Variants in C12orf75 observed in about 807,000 individuals in gnomAD.
C12orf75 encodes chromosome 12 open reading frame 75, also known as overexpressed in colon carcinoma 1 protein.
In C12orf75, 4 loss-of-function variants were observed where a neutral mutation model predicts 11.4. That is an observed-to-expected ratio of 0.35 (90% CI 0.17 to 0.80). The LOEUF is 0.80. Ranked by LOEUF, C12orf75 falls within the 30% of genes least tolerant of loss-of-function variation. The pLI is 0.52. For synonymous variants in C12orf75, 30 were observed against 30.0 expected, an observed-to-expected ratio of 1.00 and a Z score of 0.00; for missense variants, 89 against 80.4, an observed-to-expected ratio of 1.11 and a Z score of -0.41.
At chr12:105,368,544 C>T (rs1304563534) in intron 5 of C12orf75, among the ~76,000 whole-genome samples, 7 of 152,178 alleles carry the variant, frequency 4.6e-5, no homozygotes, top group Non-Finnish European at 8.8e-5. Flanking sequence ...CTATCATCAT[C>T]GTCATCACCA....
intron 1 of C12orf75, among the ~76,000 whole-genome samples, chr12:105,338,973 A>G (rs909697401): frequency 6.6e-6 from 1 of 152,218 alleles, no homozygotes; most frequent in African/African-American, 2.4e-5. Context: ...TTTCATTGAC[A>G]TAATTTTATG....
intron 2 of C12orf75, among the ~76,000 whole-genome samples, chr12:105,357,680 C>T (rs1892800955): frequency 6.6e-6 from 1 of 152,144 alleles, no homozygotes; most frequent in African/African-American, 2.4e-5. Flanking sequence ...AACCTCGACT[C>T]ATTCTTTCTC....
At chr12:105,344,745 C>CAAAA (rs35185869) in intron 1 of C12orf75, among the ~76,000 whole-genome samples, 3 of 102,586 alleles carry the variant, frequency 2.9e-5, no homozygotes. Flanking sequence ...GACTCTGTGT[C>CAAAA]AAAAAAAAAA....
At chr12:105,368,038 A>G (rs1871527393) in intron 5 of C12orf75, among the ~76,000 whole-genome samples, 1 of 152,368 alleles carries the variant, frequency 6.6e-6, no homozygotes, top group Admixed American at 6.5e-5. Context: ...AATAGTAAGA[A>G]TCAGAGAATA....
rs1461658220 is a variant in C12orf75 at position 105,370,781 on chromosome 12, T to C, written c.*181T>C. ...ATAAAACCCTGGGTACATATTGTTG[T>C]GGTAATAGAAGGGAATTGGTTAAAC... On this transcript the variant is annotated 3_prime_UTR_variant, in exon 6 of 6. Transcript: ENST00000443585. 4.4e-6 allele frequency: 2 copies of C among 454,130 alleles called. No homozygotes were observed. Among genetic ancestry groups the C allele is most frequent in the Middle Eastern group, 3.2e-4 (1 of 3,078 alleles). 28.1% of individuals were successfully genotyped at this position (454,130 alleles called of 1,614,324 possible). A position where few individuals can be genotyped will look rare whatever the true frequency, so the allele number is the denominator to read the frequency against.
Position 105,348,611 on chromosome 12 carries a change from G to T in C12orf75, c.56G>T (p.Gly19Val). 6.5e-6 allele frequency: 10 copies of T among 1,538,320 alleles called. No homozygotes were observed. The highest frequency in any genetic ancestry group is 8.8e-6 in the Non-Finnish European group (10 of 1,139,728). ...TTCTTTTTTTCTCTAGGCCCTGCAG[G>T]AGCAGCCAAAGATGTGTAAGTATTG... The part of the protein sequence containing the change: ...TSAGAGQGPA[G>V]AAKDVTEESV... The change falls in exon 2 of 6, where the codon GGA becomes GTA. Residue 19 changes from glycine to valine, a missense_variant. By Grantham distance (109) the Gly-to-Val change is moderately radical. Transcript: ENST00000443585.
At chr12:105,331,421 G>A (rs1892421432) in intron 1 of C12orf75, among the ~76,000 whole-genome samples, 1 of 152,046 alleles carries the variant, frequency 6.6e-6, no homozygotes, top group Admixed American at 6.5e-5. Flanking sequence ...TGGGAGTGGG[G>A]TTGGGGAGAA....
intron 2 of C12orf75, among the ~76,000 whole-genome samples, chr12:105,364,180 TACC>T (rs1166915190): frequency 6.6e-6 from 1 of 152,256 alleles, no homozygotes; most frequent in Non-Finnish European, 1.5e-5. Flanking sequence ...TATCAGAACT[TACC>T]TTGAACGAGT....
At chr12:105,339,430 T>C (rs1892539313) in intron 1 of C12orf75, among the ~76,000 whole-genome samples, 1 of 150,618 alleles carries the variant, frequency 6.6e-6, no homozygotes. Flanking sequence ...ACATACATAA[T>C]TTTATTTCGG....
intron 5 of C12orf75, among the ~76,000 whole-genome samples, chr12:105,368,068 C>A (rs1871527871): frequency 6.6e-6 from 1 of 152,052 alleles, no homozygotes. Context: ...ATTGGTTTTA[C>A]AAAACACGTT....
At chr12:105,369,182 T>C (rs1484237041) in intron 5 of C12orf75, among the ~76,000 whole-genome samples, 2 of 152,336 alleles carry the variant, frequency 1.3e-5, no homozygotes, top group Admixed American at 1.3e-4. Flanking sequence ...CCTCAGCTTG[T>C]CTCAACCACA....
intron 4 of C12orf75, 84 bp downstream of exon 4, chr12:105,366,780 T>TA: frequency 1.2e-6 from 1 of 826,786 alleles, no homozygotes; most frequent in Non-Finnish European, 2.0e-6. Context: ...TATTTCAGCT[T>TA]ACTCGACTCA....
chr12:105,334,503 C>A (rs1464568465), intron 1 of C12orf75, among the ~76,000 whole-genome samples: 1 of 152,210 alleles, frequency 6.6e-6, no homozygotes, highest in Non-Finnish European at 1.5e-5. Context: ...AAGCTCTCCA[C>A]TTTCACATTT....
At chr12:105,362,516 A>G (rs1278431085) in intron 2 of C12orf75, among the ~76,000 whole-genome samples, 5 of 150,976 alleles carry the variant, frequency 3.3e-5, no homozygotes, top group Non-Finnish European at 7.4e-5. Flanking sequence ...AAATACAAAA[A>G]ATTAGCCGGG....
At chr12:105,343,127 A>G (rs536016129) in intron 1 of C12orf75, among the ~76,000 whole-genome samples, 122 of 152,380 alleles carry the variant, frequency 8.0e-4, no homozygotes, top group Middle Eastern at 6.8e-3. Flanking sequence ...GAAGATATTT[A>G]AAATTATGAT....
chr12:105,338,842 G>T (rs2136141038), intron 1 of C12orf75, among the ~76,000 whole-genome samples: 2 of 152,138 alleles, frequency 1.3e-5, no homozygotes, highest in East Asian at 3.9e-4. Flanking sequence ...TGCCCCTATG[G>T]CCCAAACACC....
chr12:105,338,756 C>T (rs982027800), intron 1 of C12orf75, among the ~76,000 whole-genome samples: 11 of 152,178 alleles, frequency 7.2e-5, no homozygotes, highest in African/African-American at 2.7e-4. Context: ...CAGGCTCTTG[C>T]TAATGACCAG....
chr12:105,348,418 CAA>C (rs35593271), intron 1 of C12orf75, among the ~76,000 whole-genome samples, 182 bp from the exon 2 acceptor site: 2,226 of 116,104 alleles, frequency 0.019, 31 homozygotes, highest in African/African-American at 0.042. Flanking sequence ...GTATCTGAAA[CAA>C]AAAAAAAAAA....
chr12:105,340,799 G>T (rs903736345), intron 1 of C12orf75, among the ~76,000 whole-genome samples: 1 of 152,094 alleles, frequency 6.6e-6, no homozygotes, highest in African/African-American at 2.4e-5. Context: ...CAATGAGAAG[G>T]GTGTTTATGA....
Sources: allele counts gnomAD v4.1 joint callset (sites outside exome capture counted in the v4.1 genomes callset), GRCh38; gene constraint gnomAD v4.1.1; transcripts MANE v1.5; gene names NCBI Gene and HGNC (gene_info 2026-07-23, HGNC 2026-07-21).